The following PDE1C variants were observed in gnomAD, a reference collection of about 807,000 sequenced individuals.
The protein encoded by PDE1C is phosphodiesterase 1C, also known as dual specificity calcium/calmodulin-dependent 3',5'-cyclic nucleotide phosphodiesterase 1C.
PDE1C carries 62 observed loss-of-function variants against 93.1 expected under a neutral mutation model. The observed-to-expected ratio is 0.67, with a 90% confidence interval of 0.54 to 0.82. PDE1C has a LOEUF of 0.82. PDE1C is among the 40% of genes least tolerant of loss of function. The pLI is 0.00. For missense variants in PDE1C, 742 were observed against 884.6 expected (o/e 0.84, Z 2.04); for synonymous variants, 325 against 310.1 (o/e 1.05, Z -0.50).
At chr7:31,812,354 T>C (rs1472432725) in intron 15 of PDE1C, among the ~76,000 whole-genome samples, 1 of 152,142 alleles carries the variant, frequency 6.6e-6, no homozygotes. Flanking sequence ...CTGCCCTCTC[T>C]GGGTCTTTGT....
intron 2 of PDE1C, among the ~76,000 whole-genome samples, chr7:32,050,978 C>T (rs2128686190): frequency 6.6e-6 from 1 of 152,276 alleles, no homozygotes; most frequent in East Asian, 1.9e-4. Flanking sequence ...CCTGATCCCT[C>T]ATGGCTCCTT....
At chr7:32,087,497 C>T (rs1797173517) in intron 3 of PDE1C, among the ~76,000 whole-genome samples, 2 of 152,106 alleles carry the variant, frequency 1.3e-5, no homozygotes, top group South Asian at 4.2e-4. Flanking sequence ...CATCCCATTA[C>T]TGGGTATATA....
intron 3 of PDE1C, among the ~76,000 whole-genome samples, chr7:32,122,895 A>G (rs968498761): frequency 5.3e-4 from 80 of 152,350 alleles, no homozygotes; most frequent in African/African-American, 1.9e-3. Flanking sequence ...AGAGACATGG[A>G]AAACCCTCCA....
intron 1 of PDE1C, among the ~76,000 whole-genome samples, chr7:32,069,149 T>A (rs941071721): frequency 6.6e-6 from 1 of 152,228 alleles, no homozygotes; most frequent in Admixed American, 6.5e-5. Context: ...ATGGCTTTTA[T>A]AAATTGCACC....
chr7:31,622,391 A>G, the PDE1C span, among the ~76,000 whole-genome samples: 24 of 152,120 alleles, frequency 1.6e-4, no homozygotes, highest in African/African-American at 5.6e-4. Context: ...AAAGAACAGA[A>G]ATCATAACAA....
intron 1 of PDE1C, among the ~76,000 whole-genome samples, chr7:32,323,184 T>G (rs982461632): frequency 5.3e-5 from 8 of 152,184 alleles, no homozygotes; most frequent in African/African-American, 1.9e-4. Flanking sequence ...TTTCCTGGGT[T>G]TACAAAGAAT....
At chr7:31,864,654 C>G (rs185864984) in intron 7 of PDE1C, among the ~76,000 whole-genome samples, 106 of 152,286 alleles carry the variant, frequency 7.0e-4, no homozygotes, top group South Asian at 1.4e-3. Context: ...CTCTCCATAT[C>G]TAGAAATACA....
the PDE1C span, among the ~76,000 whole-genome samples, chr7:31,712,150 T>C: frequency 4.6e-5 from 7 of 152,226 alleles, no homozygotes; most frequent in African/African-American, 1.7e-4. Context: ...TATAACTGAT[T>C]AGTGTTTGTC....
intron 2 of PDE1C, among the ~76,000 whole-genome samples, chr7:32,039,592 A>G (rs1791558840): frequency 6.6e-6 from 1 of 152,196 alleles, no homozygotes; most frequent in Non-Finnish European, 1.5e-5. Context: ...CGCAGCAGGA[A>G]GGAACTTGCC....
chr7:32,385,718 G>T (rs1784612744), intron 1 of PDE1C, among the ~76,000 whole-genome samples: 1 of 152,156 alleles, frequency 6.6e-6, no homozygotes, highest in South Asian at 2.1e-4. Context: ...TTATAGTCAT[G>T]TGTGGTACCA....
the PDE1C span, chr7:31,707,481 A>C: frequency 2.3e-4 from 126 of 542,642 alleles, no homozygotes; most frequent in African/African-American, 2.3e-3. Flanking sequence ...TATGGTTTCT[A>C]TTCTGTGTTT....
intron 1 of PDE1C, among the ~76,000 whole-genome samples, chr7:32,414,667 G>A (rs779824863): frequency 7.9e-5 from 12 of 152,268 alleles, no homozygotes; most frequent in Non-Finnish European, 1.5e-4. Context: ...AAAAAGTGGA[G>A]AGAGGAATCT....
At chr7:31,815,828 G>T in intron 15 of PDE1C, 96 bp downstream of exon 15, 1 of 918,020 alleles carries the variant, frequency 1.1e-6, no homozygotes. Context: ...GCCTTGCCCT[G>T]TGAGCTGACC....
chr7:31,812,842 C>T (rs745971047), intron 15 of PDE1C, among the ~76,000 whole-genome samples: 6 of 152,040 alleles, frequency 3.9e-5, no homozygotes, highest in Non-Finnish European at 8.8e-5. Flanking sequence ...CTGAAGGCAC[C>T]AAACCACAGG....
intron 14 of PDE1C, among the ~76,000 whole-genome samples, chr7:31,821,694 G>A (rs1409732843): frequency 6.6e-6 from 1 of 152,122 alleles, no homozygotes; most frequent in East Asian, 1.9e-4. Flanking sequence ...TGCCCTAAAA[G>A]TGCCATAAAT....
At chr7:31,965,646 C>T (rs1028801105) in intron 2 of PDE1C, among the ~76,000 whole-genome samples, 8 of 152,094 alleles carry the variant, frequency 5.3e-5, no homozygotes, top group African/African-American at 1.9e-4. Context: ...AATTCCAAGA[C>T]ACATAATTGT....
At chr7:32,247,366 A>G (rs1024171739) in intron 1 of PDE1C, among the ~76,000 whole-genome samples, 2 of 148,268 alleles carry the variant, frequency 1.3e-5, no homozygotes, top group South Asian at 2.1e-4. Flanking sequence ...TGTGTCCTCA[A>G]TGCCCAGGAT....
chr7:31,978,754 G>C (rs929453794), intron 2 of PDE1C, among the ~76,000 whole-genome samples: 5 of 152,134 alleles, frequency 3.3e-5, no homozygotes, highest in African/African-American at 1.2e-4. Flanking sequence ...GAAATTTCTG[G>C]AAGAGATTAA....
chr7:31,628,930 C>G, the PDE1C span, among the ~76,000 whole-genome samples: 3 of 152,030 alleles, frequency 2.0e-5, no homozygotes, highest in African/African-American at 7.2e-5. Flanking sequence ...GCTAGCTTCA[C>G]AAGAGGAAAA....
Sources: gnomAD v4.1 joint callset for allele counts (sites outside exome capture counted in the v4.1 genomes callset) on GRCh38, gnomAD v4.1.1 for gene constraint, MANE v1.5 for transcripts, NCBI Gene and HGNC (gene_info 2026-07-23, HGNC 2026-07-21) for gene names.